PCDH11X: variants seen among roughly 807,000 people sequenced by gnomAD.
PCDH11X encodes protocadherin 11 X-linked.
In PCDH11X, 18 loss-of-function variants were observed where a neutral mutation model predicts 53.3. The ratio of observed to expected loss-of-function variants is 0.34; its 90% CI spans 0.23 to 0.50. PCDH11X has a LOEUF of 0.50. Ranked by LOEUF, PCDH11X falls within the 20% of genes least tolerant of loss-of-function variation. The pLI is 0.98. For missense variants in PCDH11X, 570 were observed against 1,032.4 expected (o/e 0.55, Z 6.14); for synonymous variants, 279 against 393.3 (o/e 0.71, Z 3.44).
intron 10 of PCDH11X, among the ~76,000 whole-genome samples, chrX:92,598,957 TC>T (rs1277318912): frequency 9.1e-6 from 1 of 109,901 alleles, no homozygotes; most frequent in Non-Finnish European, 1.9e-5. Context: ...CATTGCATGT[TC>T]TCAATTATTT....
intron 7 of PCDH11X, among the ~76,000 whole-genome samples, chrX:92,256,697 A>G (rs1372811281): frequency 9.0e-6 from 1 of 110,716 alleles, no homozygotes; most frequent in Admixed American, 9.7e-5. Context: ...ATTCTTCTTG[A>G]TACTCTTCCT....
At chrX:92,294,288 C>CCCA (rs2068561916) in intron 8 of PCDH11X, among the ~76,000 whole-genome samples, 1 of 109,813 alleles carries the variant, frequency 9.1e-6, no homozygotes, top group Non-Finnish European at 1.9e-5. Flanking sequence ...ATAACAGGCA[C>CCCA]CCACCACCAC....
chrX:92,329,554 A>G (rs1321745890), intron 8 of PCDH11X, among the ~76,000 whole-genome samples: 1 of 112,102 alleles, frequency 8.9e-6, no homozygotes, highest in Non-Finnish European at 1.9e-5. Flanking sequence ...TATTCAGAAT[A>G]GCTGAGATTT....
At chrX:91,951,770 T>G (rs2061643418) in intron 6 of PCDH11X, among the ~76,000 whole-genome samples, 1 of 111,240 alleles carries the variant, frequency 9.0e-6, no homozygotes. Context: ...TTATATTTTC[T>G]GATGATCCTT....
intron 6 of PCDH11X, among the ~76,000 whole-genome samples, chrX:92,035,265 A>G (rs2063111471): frequency 9.0e-6 from 1 of 111,525 alleles, no homozygotes; most frequent in East Asian, 2.8e-4. Flanking sequence ...CTTCCTGCTC[A>G]TTAATGTCCT....
At chrX:92,237,438 TG>T (rs2067191766) in intron 7 of PCDH11X, among the ~76,000 whole-genome samples, 1 of 110,824 alleles carries the variant, frequency 9.0e-6, no homozygotes, top group Admixed American at 9.7e-5. Flanking sequence ...ATCTGTAAAA[TG>T]GGACAGTAAC....
intron 8 of PCDH11X, among the ~76,000 whole-genome samples, chrX:92,274,285 CT>C (rs1218807283): frequency 2.8e-5 from 3 of 108,113 alleles, no homozygotes; most frequent in African/African-American, 7.1e-5. Context: ...TTTAAAAGAC[CT>C]TTAGTCCGTT....
intron 6 of PCDH11X, among the ~76,000 whole-genome samples, chrX:92,163,561 A>C (rs2065679871): frequency 1.8e-5 from 2 of 110,862 alleles, no homozygotes; most frequent in Non-Finnish European, 3.8e-5. Flanking sequence ...AAATTGACTC[A>C]GCTCTAGATG....
At chrX:92,446,328 G>C (rs1447436169) in intron 9 of PCDH11X, among the ~76,000 whole-genome samples, 1 of 110,707 alleles carries the variant, frequency 9.0e-6, no homozygotes, top group Non-Finnish European at 1.9e-5. Context: ...CCTTGAATAT[G>C]TTATATGCAA....
At position 92,148,062 on chromosome X, in the gene PCDH11X, CTTTCTTT is replaced by C. The variant is rs2065336170; in HGVS notation, c.3034-53312_3034-53306del. Among the ~76,000 whole-genome samples the C allele has an allele frequency of 7.2e-3, 57 of 7,940 alleles. 1 individual carries two copies. Among genetic ancestry groups the C allele is most frequent in the African/African-American group, 0.026 (45 of 1,741 alleles). The allele number at this position is 7,940 out of a possible 115,157, so 6.9% of individuals were successfully genotyped here. On this transcript the variant is annotated intron_variant, in intron 6 of 10. Transcript: ENST00000682573. ...TTTCCCTTCCTTCCTTCCTTCCTTT[CTTTCTTT>C]CTTTCTTTCTTTCTTTCTTTCTTTC...
At chrX:92,390,667 C>T (rs2071110173) in intron 9 of PCDH11X, among the ~76,000 whole-genome samples, 1 of 96,677 alleles carries the variant, frequency 1.0e-5, no homozygotes, top group Non-Finnish European at 2.1e-5. Context: ...TTATGCAGTT[C>T]CCATTTCACA....
chrX:91,780,852 G>A (rs1370672568), intron 1 of PCDH11X, among the ~76,000 whole-genome samples: 1 of 112,902 alleles, frequency 8.9e-6, no homozygotes, highest in Non-Finnish European at 1.9e-5. Flanking sequence ...GGGGTAGGAG[G>A]AGAGGTCACT....
chrX:91,974,766 T>G (rs1418128307), intron 6 of PCDH11X, among the ~76,000 whole-genome samples: 1 of 109,765 alleles, frequency 9.1e-6, no homozygotes, highest in African/African-American at 3.3e-5. Flanking sequence ...TTTCTTTTTT[T>G]TTTTTGAGAC....
chrX:91,819,205 G>C (rs949083413), intron 4 of PCDH11X, among the ~76,000 whole-genome samples: 24 of 109,083 alleles, frequency 2.2e-4, no homozygotes, highest in Non-Finnish European at 3.0e-4. Flanking sequence ...CTGAATGAAG[G>C]CTAATGATAA....
chrX:91,927,965 G>A (rs950671380), intron 6 of PCDH11X, among the ~76,000 whole-genome samples: 19 of 111,471 alleles, frequency 1.7e-4, no homozygotes, highest in African/African-American at 6.2e-4. Flanking sequence ...ATTCAGCCCA[G>A]TGTTTAAAGG....
At chrX:91,788,883 T>C (rs1192381611) in intron 1 of PCDH11X, among the ~76,000 whole-genome samples, 1 of 112,159 alleles carries the variant, frequency 8.9e-6, no homozygotes, top group African/African-American at 3.2e-5. Flanking sequence ...TCTCTTTTAC[T>C]TCTCATATTA....
intron 8 of PCDH11X, among the ~76,000 whole-genome samples, chrX:92,351,622 TAAAC>T (rs2070052591): frequency 1.8e-5 from 2 of 111,840 alleles, no homozygotes; most frequent in African/African-American, 6.5e-5. Flanking sequence ...CACAGTTAAA[TAAAC>T]ATGTAATTAA....
chrX:92,303,770 T>C (rs1327455208), intron 8 of PCDH11X, among the ~76,000 whole-genome samples: 3 of 110,696 alleles, frequency 2.7e-5, no homozygotes, highest in Non-Finnish European at 5.7e-5. Flanking sequence ...ACTAAGACAC[T>C]GCATTTCCTT....
intron 5 of PCDH11X, among the ~76,000 whole-genome samples, chrX:91,857,983 C>T (rs1179738181): frequency 9.0e-6 from 1 of 111,609 alleles, no homozygotes; most frequent in Non-Finnish European, 1.9e-5. Context: ...TCCCTTCTGC[C>T]ATGCCCTTGC....
Sources: allele counts gnomAD v4.1 joint callset (sites outside exome capture counted in the v4.1 genomes callset), GRCh38; gene constraint gnomAD v4.1.1; transcripts MANE v1.5; gene names NCBI Gene and HGNC (gene_info 2026-07-23, HGNC 2026-07-21).